Variants in BBX observed in about 807,000 individuals in gnomAD.
BBX encodes HMG box transcription factor BBX.
BBX carries 30 observed loss-of-function variants against 100.2 expected under a neutral mutation model. The ratio of observed to expected loss-of-function variants is 0.30; its 90% confidence interval spans 0.22 to 0.41. The LOEUF (loss-of-function observed/expected upper bound fraction) is 0.41. Among genes scored for constraint, BBX ranks in the 10% least tolerant of loss-of-function variants. The pLI is 1.00. For missense variants in BBX, 1,023 were observed against 1,129.8 expected (o/e 0.91, Z 1.35); for synonymous variants, 376 against 388.1 (o/e 0.97, Z 0.37).
At chr3:107,567,128 G>A (rs1009922745) in intron 2 of BBX, among the ~76,000 whole-genome samples, 4 of 152,102 alleles carry the variant, frequency 2.6e-5, no homozygotes, top group Admixed American at 2.0e-4. Context: ...TAGTGAGTAT[G>A]ATCTGCAGGT....
chr3:107,731,117 C>T (rs1430088445), intron 6 of BBX, among the ~76,000 whole-genome samples: 2 of 152,048 alleles, frequency 1.3e-5, no homozygotes, highest in Non-Finnish European at 2.9e-5. Flanking sequence ...AGAAAGCATC[C>T]TATGTATGTC....
chr3:107,571,197 A>AG (rs969254430), intron 2 of BBX, among the ~76,000 whole-genome samples: 4 of 152,062 alleles, frequency 2.6e-5, no homozygotes, highest in Non-Finnish European at 4.4e-5. Flanking sequence ...GACACGGAGA[A>AG]GGGGGTGGTG....
rs143153808 is a variant in BBX, at chr3:107,801,246, G to C, written c.2703G>C (p.Ala901=). ...TGTCTGCGTTCTTTAGCCTCGCTGC[G>C]CTGGCTGAAGTGGCAGCCATGGAAA... is the stretch of plus-strand genomic sequence containing the variant. The part of the protein sequence containing the change: ...PAVSAFFSLA[A]LAEVAAMENV... Residue 901 remains alanine (A), a synonymous_variant, in exon 17 of 18, where the codon GCG becomes GCC. Transcript: ENST00000325805. 1.9e-6 allele frequency: 3 copies of C among 1,614,026 alleles called. No homozygotes were observed. The highest frequency in any genetic ancestry group is 2.5e-6 in the Non-Finnish European group (3 of 1,180,028).
At chr3:107,648,449 T>C (rs1454160771) in intron 3 of BBX, among the ~76,000 whole-genome samples, 2 of 152,194 alleles carry the variant, frequency 1.3e-5, no homozygotes, top group East Asian at 1.9e-4. Flanking sequence ...TTCTTTTACC[T>C]ATGTATAATA....
chr3:107,638,844 C>T (rs2057026336), intron 2 of BBX, among the ~76,000 whole-genome samples: 1 of 137,582 alleles, frequency 7.3e-6, no homozygotes, highest in Non-Finnish European at 1.6e-5. Flanking sequence ...GACAAATTAG[C>T]CAGGTCTGGT....
intron 2 of BBX, among the ~76,000 whole-genome samples, chr3:107,605,372 TCTA>T (rs1364314058): frequency 1.8e-5 from 1 of 55,634 alleles, no homozygotes; most frequent in Non-Finnish European, 3.3e-5. Context: ...TTCTTCACTT[TCTA>T]TTTTTTTTTT....
intron 2 of BBX, among the ~76,000 whole-genome samples, chr3:107,575,317 ATAAT>A (rs1419075005): frequency 6.6e-5 from 10 of 152,356 alleles, no homozygotes; most frequent in South Asian, 2.1e-4. Flanking sequence ...AATTTAGAAA[ATAAT>A]TAATATCAGT....
intron 2 of BBX, among the ~76,000 whole-genome samples, chr3:107,550,664 GA>G (rs2049592353): frequency 6.6e-6 from 1 of 152,192 alleles, no homozygotes; most frequent in African/African-American, 2.4e-5. Flanking sequence ...TTCTAAGTAA[GA>G]TCAGGGTCAG....
intron 2 of BBX, among the ~76,000 whole-genome samples, chr3:107,550,192 C>G (rs2049553561): frequency 6.6e-6 from 1 of 152,054 alleles, no homozygotes; most frequent in Non-Finnish European, 1.5e-5. Flanking sequence ...AACAACTTTC[C>G]TATGAGACCT....
chr3:107,746,609 T>C (rs1430713848), intron 8 of BBX, among the ~76,000 whole-genome samples: 1 of 151,942 alleles, frequency 6.6e-6, no homozygotes. Flanking sequence ...ACTCAGTCAG[T>C]CTCTCTACTA....
chr3:107,580,786 C>T (rs1481309964), intron 2 of BBX, among the ~76,000 whole-genome samples: 1 of 152,186 alleles, frequency 6.6e-6, no homozygotes, highest in East Asian at 1.9e-4. Context: ...CATGCACCAC[C>T]ATGCCTGGCT....
chr3:107,789,822 A>C lies in BBX; in HGVS notation c.2239A>C (p.Lys747Gln). 1 of 1,549,930 alleles carries C rather than the reference A, an allele frequency of 6.5e-7. No individual in the cohort carries two copies. Among genetic ancestry groups the C allele is most frequent in the Non-Finnish European group, 8.7e-7 (1 of 1,145,690 alleles). ...GTCTCAGAAAAAGAACTTATTCCAC[A>C]AAATTGTCAGCAAATATAAGCACAA... ...FQSQKKNLFHKIVSKYKHKKE... is the reference protein window; with the variant it reads ...FQSQKKNLFHQIVSKYKHKKE... The change falls in exon 14 of 18, where the codon AAA becomes CAA. Residue 747 changes from lysine (K) to glutamine (Q), a missense_variant. By Grantham distance (53) the Lys-to-Gln change is moderately conservative (BLOSUM62 1). This residue lies in a region of BBX where 215 missense variants were observed against 211.3 expected (regional missense o/e 1.02). Coordinates refer to ENST00000325805, the MANE Select transcript of BBX (RefSeq NM_001142568.3).
At chr3:107,660,018 T>C (rs1413222027) in intron 3 of BBX, among the ~76,000 whole-genome samples, 2 of 152,128 alleles carry the variant, frequency 1.3e-5, no homozygotes, top group African/African-American at 2.4e-5. Context: ...ATGATGACAC[T>C]GAGGTTCAGG....
intron 15 of BBX, among the ~76,000 whole-genome samples, chr3:107,797,337 A>AATATATATATATATATATATATAT (rs369837058): frequency 0.022 from 837 of 38,662 alleles, 81 homozygotes; most frequent in East Asian, 0.055. Flanking sequence ...TTTTCTTCCA[A>AATATATATATATATATATATATAT]ATATATATAT....
intron 2 of BBX, among the ~76,000 whole-genome samples, chr3:107,584,434 A>G (rs186459487): frequency 1.3e-5 from 2 of 149,684 alleles, no homozygotes; most frequent in East Asian, 3.9e-4. Context: ...TGTCCATTCA[A>G]ATCTTCATGT....
intron 10 of BBX, among the ~76,000 whole-genome samples, chr3:107,764,148 A>C (rs1001360341): frequency 2.6e-5 from 4 of 152,144 alleles, no homozygotes; most frequent in Non-Finnish European, 5.9e-5. Flanking sequence ...GCCCGCCACC[A>C]TGCCCAGCTA....
In BBX at chr3:107,669,527, G is replaced by A. The variant is rs193144669; in HGVS notation, c.-10+23618G>A. ...AGGAATTAAATTCTAGGAGTAGACC[G>A]TAAAGGGCCACTAAAGGGTTTGATT... On this transcript the variant is annotated intron_variant, in intron 3 of 17. Coordinates refer to ENST00000325805, the MANE Select transcript of BBX (RefSeq NM_001142568.3). 9.9e-5 allele frequency among the ~76,000 whole-genome samples: 15 copies of A among 152,176 alleles called. No individual in the cohort carries two copies. The East Asian group carries it at 2.1e-3, about 22-fold the overall frequency.
intron 2 of BBX, among the ~76,000 whole-genome samples, chr3:107,627,809 A>C (rs2056294736): frequency 1.3e-5 from 2 of 152,122 alleles, no homozygotes. Flanking sequence ...TGTAAGAAAG[A>C]AAGCATGAAC....
chr3:107,560,162 C>G (rs1295751417), intron 2 of BBX, among the ~76,000 whole-genome samples: 3 of 151,948 alleles, frequency 2.0e-5, no homozygotes, highest in African/African-American at 4.8e-5. Context: ...AAGTTAAAAG[C>G]CTTACTACTT....
Sources: allele counts gnomAD v4.1 joint callset (sites outside exome capture counted in the v4.1 genomes callset), GRCh38; gene constraint gnomAD v4.1.1; regional missense constraint gnomAD v4.1.1; transcripts MANE v1.5; gene names NCBI Gene and HGNC (gene_info 2026-07-23, HGNC 2026-07-21).